RPS6KA2: variants seen among roughly 807,000 people sequenced by gnomAD.
RPS6KA2 encodes the protein ribosomal protein S6 kinase alpha-2.
RPS6KA2 carries 42 observed loss-of-function variants against 91.8 expected under a neutral mutation model. The ratio of observed to expected loss-of-function variants is 0.46; its 90% CI spans 0.36 to 0.59. The LOEUF is 0.59. Ranked by LOEUF, RPS6KA2 falls within the 20% of genes least tolerant of loss-of-function variation. RPS6KA2 has a pLI of 0.00. For synonymous variants in RPS6KA2, 414 were observed against 393.6 expected, an observed-to-expected ratio of 1.05 and a Z score of -0.61; for missense variants, 798 against 978.5, an observed-to-expected ratio of 0.82 and a Z score of 2.46.
At chr6:166,572,367 G>A (rs1784714744) in intron 1 of RPS6KA2, among the ~76,000 whole-genome samples, 1 of 152,226 alleles carries the variant, frequency 6.6e-6, no homozygotes, top group South Asian at 2.1e-4. Context: ...AAGAGTGAAA[G>A]CATGTTATAA....
intron 2 of RPS6KA2, among the ~76,000 whole-genome samples, chr6:166,789,640 G>A (rs563504071): frequency 3.2e-4 from 49 of 152,322 alleles, no homozygotes; most frequent in African/African-American, 9.9e-4. Context: ...CACCTCACAC[G>A]GCCGGGTACT....
At chr6:166,718,150 A>G (rs531076268) in intron 2 of RPS6KA2, among the ~76,000 whole-genome samples, 17 of 152,106 alleles carry the variant, frequency 1.1e-4, no homozygotes, top group South Asian at 8.3e-4. Context: ...GCCCGGCCCT[A>G]TTTGTCATTT....
At chr6:166,797,937 G>C (rs557641124) in intron 2 of RPS6KA2, among the ~76,000 whole-genome samples, 1 of 152,250 alleles carries the variant, frequency 6.6e-6, no homozygotes, top group Middle Eastern at 3.4e-3. Context: ...ATGACCAGAA[G>C]ACACTGGAGT....
chr6:166,560,522 T>G (rs1055230606), intron 1 of RPS6KA2, among the ~76,000 whole-genome samples: 1 of 152,220 alleles, frequency 6.6e-6, no homozygotes, highest in African/African-American at 2.4e-5. Context: ...GCTTAAGATA[T>G]GTGATCAGAA....
chr6:166,591,571 C>T (rs1785354981), intron 1 of RPS6KA2, among the ~76,000 whole-genome samples: 1 of 152,126 alleles, frequency 6.6e-6, no homozygotes, highest in African/African-American at 2.4e-5. Flanking sequence ...CAGACACACA[C>T]CAAGAAGGCG....
chr6:166,470,758 A>C (rs1780737055), intron 10 of RPS6KA2, among the ~76,000 whole-genome samples: 1 of 152,222 alleles, frequency 6.6e-6, no homozygotes, highest in African/African-American at 2.4e-5. Context: ...CTGTTCGGGA[A>C]AGCGGTGGGG....
chr6:166,736,897 G>A (rs777909669), intron 2 of RPS6KA2, among the ~76,000 whole-genome samples: 5 of 151,730 alleles, frequency 3.3e-5, no homozygotes, highest in Non-Finnish European at 7.4e-5. Flanking sequence ...GATGGCAAGA[G>A]GAAATGAAAA....
chr6:166,792,131 TAAAG>T (rs1372268490), intron 2 of RPS6KA2, among the ~76,000 whole-genome samples: 1 of 151,448 alleles, frequency 6.6e-6, no homozygotes, highest in Non-Finnish European at 1.5e-5. Flanking sequence ...GCAAGACTAA[TAAAG>T]AAGAAAAGAG....
chr6:166,416,022 C>T lies in RPS6KA2; in HGVS notation c.1939-2091G>A, dbSNP rs557012162. Among the ~76,000 whole-genome samples the T allele has an allele frequency of 6.1e-5, 9 of 147,000 alleles. No individual in the cohort carries two copies. The East Asian group carries it at 1.3e-3, about 21-fold the overall frequency. On this transcript the variant is annotated intron_variant, in intron 19 of 20. Coordinates refer to ENST00000265678, the MANE Select transcript of RPS6KA2 (RefSeq NM_021135.6). Reference sequence around the variant, plus strand: ...CTCCTCCATCACCCCCACCATTACGCTCACCATCATCTTCACCACCTCCAC... The same window carrying T: ...CTCCTCCATCACCCCCACCATTACGTTCACCATCATCTTCACCACCTCCAC...
chr6:166,676,934 G>C (rs778041672), intron 2 of RPS6KA2, among the ~76,000 whole-genome samples: 1 of 152,196 alleles, frequency 6.6e-6, no homozygotes, highest in Non-Finnish European at 1.5e-5. Flanking sequence ...ACTGAGAAAG[G>C]ATTTCTTTAA....
intron 20 of RPS6KA2, among the ~76,000 whole-genome samples, chr6:166,413,175 C>T (rs899262779): frequency 6.6e-6 from 1 of 152,118 alleles, no homozygotes; most frequent in South Asian, 2.1e-4. Flanking sequence ...GTGGAGCCCC[C>T]AGGCTGAGGT....
intron 3 of RPS6KA2, among the ~76,000 whole-genome samples, chr6:166,528,245 A>G (rs1783134463): frequency 6.6e-6 from 1 of 152,216 alleles, no homozygotes; most frequent in Non-Finnish European, 1.5e-5. Context: ...AACAGAACAG[A>G]GCCCTCAGAA....
chr6:166,596,248 T>C (rs992373621), intron 1 of RPS6KA2, among the ~76,000 whole-genome samples: 5 of 152,212 alleles, frequency 3.3e-5, no homozygotes, highest in Admixed American at 1.3e-4. Context: ...ATACTCTGTG[T>C]GATGATTAAT....
At chr6:166,710,982 G>C (rs1316420397) in intron 2 of RPS6KA2, among the ~76,000 whole-genome samples, 1 of 152,038 alleles carries the variant, frequency 6.6e-6, no homozygotes, top group Non-Finnish European at 1.5e-5. Flanking sequence ...GAAAAACCTT[G>C]GCCCCACCTT....
At chr6:166,589,906 C>T (rs1156944431) in intron 1 of RPS6KA2, among the ~76,000 whole-genome samples, 1 of 152,150 alleles carries the variant, frequency 6.6e-6, no homozygotes, top group Non-Finnish European at 1.5e-5. Flanking sequence ...GAGACAAGAT[C>T]ATACCCACCA....
At chr6:166,685,305 A>G (rs111815526) in intron 2 of RPS6KA2, among the ~76,000 whole-genome samples, 2,492 of 48,332 alleles carry the variant, frequency 0.052, no homozygotes, top group African/African-American at 0.1. Context: ...TGCAGGCTGG[A>G]AGGACAGAGG....
chr6:166,455,424 T>C (rs1780068735), intron 12 of RPS6KA2, among the ~76,000 whole-genome samples: 2 of 152,030 alleles, frequency 1.3e-5, no homozygotes, highest in Non-Finnish European at 2.9e-5. Flanking sequence ...CCCGGGCTCA[T>C]CTTCAGTGTC....
intron 2 of RPS6KA2, among the ~76,000 whole-genome samples, chr6:166,799,478 A>G (rs764873651): frequency 6.6e-6 from 1 of 152,240 alleles, no homozygotes; most frequent in Non-Finnish European, 1.5e-5. Flanking sequence ...GCCAAAAAGT[A>G]TACCTATCAC....
At chr6:166,653,904 T>C (rs1787934491) in intron 2 of RPS6KA2, among the ~76,000 whole-genome samples, 1 of 152,254 alleles carries the variant, frequency 6.6e-6, no homozygotes. Flanking sequence ...ATGCTTACAA[T>C]TGTGGATTTT....
Sources: allele counts gnomAD v4.1 joint callset (sites outside exome capture counted in the v4.1 genomes callset), GRCh38; gene constraint gnomAD v4.1.1; transcripts MANE v1.5; gene names NCBI Gene and HGNC (gene_info 2026-07-23, HGNC 2026-07-21).